CRB1: variants seen among roughly 807,000 people sequenced by gnomAD.
The protein encoded by CRB1 is crumbs cell polarity complex component 1.
Under a neutral mutation model 120.0 loss-of-function variants are expected in CRB1, and 83 were observed. The observed-to-expected ratio is 0.69, with a 90% CI of 0.58 to 0.83. CRB1 has a LOEUF of 0.83. CRB1 is among the 40% of genes least tolerant of loss of function. The pLI, the probability that CRB1 is intolerant of heterozygous loss-of-function variation, is 0.00. For synonymous variants in CRB1, 625 were observed against 612.5 expected (o/e 1.02, Z -0.30); for missense variants, 1,699 against 1,687.6 (o/e 1.01, Z -0.12).
intron 3 of CRB1, among the ~76,000 whole-genome samples, chr1:197,345,777 C>T (rs548398658): frequency 1.4e-4 from 21 of 152,016 alleles, no homozygotes; most frequent in South Asian, 4.2e-4. Flanking sequence ...TGAAGTGTTG[C>T]GATTACAGGT....
the CRB1 span, among the ~76,000 whole-genome samples, chr1:197,246,637 G>A: frequency 6.6e-6 from 1 of 151,938 alleles, no homozygotes; most frequent in Non-Finnish European, 1.5e-5. Flanking sequence ...GAAGTCGCAA[G>A]AATTATTTTA....
At chr1:197,438,743 A>T in intron 10 of CRB1, 68 bp downstream of exon 10, 1 of 1,581,780 alleles carries the variant, frequency 6.3e-7, no homozygotes, top group Non-Finnish European at 8.7e-7. Context: ...CTCAAAGTTC[A>T]TTTTCTCCTC....
At chr1:197,240,498 G>A in the CRB1 span, among the ~76,000 whole-genome samples, 1 of 152,108 alleles carries the variant, frequency 6.6e-6, no homozygotes, top group Non-Finnish European at 1.5e-5. Flanking sequence ...TTAGTTTGCT[G>A]AGAATGATGG....
At chr1:197,258,778 T>C in the CRB1 span, among the ~76,000 whole-genome samples, 1 of 152,204 alleles carries the variant, frequency 6.6e-6, no homozygotes, top group Non-Finnish European at 1.5e-5. Flanking sequence ...GATCTTTGTA[T>C]TTTTATCATC....
At chr1:197,477,502 GA>G (rs2125573391) in intron 11 of CRB1, 161 bp from the exon 12 acceptor site, 1 of 722,782 alleles carries the variant, frequency 1.4e-6, no homozygotes, top group Non-Finnish European at 2.6e-6. Context: ...AATGATTTGA[GA>G]ATAAGAAAAT....
At chr1:197,423,224 A>G (rs1290704791) in intron 6 of CRB1, among the ~76,000 whole-genome samples, 1 of 152,174 alleles carries the variant, frequency 6.6e-6, no homozygotes, top group African/African-American at 2.4e-5. Context: ...AATACTGACC[A>G]TGGTGATGTT....
rs1558131980 is a variant in CRB1 at position 197,427,707 on chromosome 1, C to G, written c.2382C>G (p.His794Gln). Reference sequence around the variant, plus strand: ...TTGTTCTTAATGATGGAAATGTCCACTTGATATCTTTGAAAATCAAGCCAT... The same window carrying G: ...TTGTTCTTAATGATGGAAATGTCCAGTTGATATCTTTGAAAATCAAGCCAT... The part of the protein sequence containing the change: ...VKFVLNDGNV[H>Q]LISLKIKPYK... Residue 794 changes from histidine to glutamine, a missense_variant, in exon 7 of 12, where the codon CAC becomes CAG. By Grantham distance (24) the His-to-Gln change is conservative. Coordinates refer to ENST00000367400, the MANE Select transcript of CRB1 (RefSeq NM_201253.3). The G allele has an allele frequency of 7.4e-6, 12 of 1,613,912 alleles. No individual in the cohort carries two copies. Among genetic ancestry groups the G allele is most frequent in the Non-Finnish European group, 1.0e-5 (12 of 1,179,932 alleles).
the CRB1 span, among the ~76,000 whole-genome samples, chr1:197,218,919 T>C: frequency 4.0e-5 from 6 of 151,780 alleles, no homozygotes; most frequent in Non-Finnish European, 8.8e-5. Context: ...AAGTTAAGAG[T>C]TAGGAAAACA....
At chr1:197,345,234 A>C (rs1399856273) in intron 3 of CRB1, among the ~76,000 whole-genome samples, 1 of 152,176 alleles carries the variant, frequency 6.6e-6, no homozygotes, top group Non-Finnish European at 1.5e-5. Flanking sequence ...TTAGCACTTA[A>C]AATTATCGTT....
chr1:197,389,877 C>T (rs1357317184), intron 5 of CRB1, among the ~76,000 whole-genome samples: 2 of 152,018 alleles, frequency 1.3e-5, no homozygotes, highest in Non-Finnish European at 2.9e-5. Flanking sequence ...AGTGCCCTGG[C>T]ATCCAGGAGC....
In CRB1 at chr1:197,421,079, G is replaced by C; in HGVS notation, c.1251G>C (p.Gly417=). The C allele has an allele frequency of 6.2e-7, 1 of 1,614,200 alleles. No individual in the cohort carries two copies. Among genetic ancestry groups the C allele is most frequent in the South Asian group, 1.1e-5 (1 of 91,084 alleles). The change falls in exon 6 of 12, where the codon GGG becomes GGC. Residue 417 remains glycine (G), a synonymous_variant. Transcript: ENST00000367400. The part of the protein sequence containing the change: ...QNGGTCENLP[G]NYTCHCPFDN... ...GTGGTACTTGTGAGAACTTGCCTGG[G>C]AATTATACTTGCCATTGCCCATTTG...
chr1:197,421,561 T>C lies in CRB1; in HGVS notation c.1733T>C (p.Val578Ala). 6.2e-7 allele frequency: 1 copy of C among 1,614,248 alleles called. No homozygotes were observed. Among genetic ancestry groups the C allele is most frequent in the Non-Finnish European group, 8.5e-7 (1 of 1,180,052 alleles). ...GTGGAGGTAATATTTGCAGAGGCTG[T>C]GACCCTTACCTTAATCGACGACTCC... ...HFVEVIFAEA[V>A]TLTLIDDSCK... The change falls in exon 6 of 12, where the codon GTG becomes GCG. Residue 578 changes from valine to alanine, a missense_variant. Physicochemically the swap from Val to Ala is moderately conservative, Grantham distance 64 (BLOSUM62 0). Coordinates refer to ENST00000367400, the MANE Select transcript of CRB1 (RefSeq NM_201253.3).
upstream of CRB1, among the ~76,000 whole-genome samples, chr1:197,264,880 C>T (rs1654598322): frequency 6.6e-6 from 1 of 152,092 alleles, no homozygotes; most frequent in Non-Finnish European, 1.5e-5. Flanking sequence ...CCGCCTCAGC[C>T]TCCCAGAGTG....
intron 5 of CRB1, among the ~76,000 whole-genome samples, chr1:197,372,586 G>A (rs79123626): frequency 0.016 from 2,456 of 152,174 alleles, 66 homozygotes; most frequent in African/African-American, 0.053. Context: ...TAGGAAAAGC[G>A]TATGAATATA....
chr1:197,291,245 T>G (rs1656160445), intron 1 of CRB1, among the ~76,000 whole-genome samples: 1 of 151,890 alleles, frequency 6.6e-6, no homozygotes, highest in African/African-American at 2.4e-5. Flanking sequence ...ATGAAAATAC[T>G]TAAATATATA....
chr1:197,201,965 C>T, the CRB1 span, among the ~76,000 whole-genome samples: 1 of 152,126 alleles, frequency 6.6e-6, no homozygotes, highest in African/African-American at 2.4e-5. Context: ...TCCACAAGGA[C>T]AACTTTTGGA....
intron 11 of CRB1, among the ~76,000 whole-genome samples, chr1:197,452,108 T>A (rs1461896371): frequency 1.3e-5 from 2 of 152,336 alleles, no homozygotes; most frequent in East Asian, 3.9e-4. Flanking sequence ...ATGTATGAGA[T>A]GAAGAATCTA....
intron 2 of CRB1, among the ~76,000 whole-genome samples, chr1:197,331,358 T>C (rs148441886): frequency 6.7e-4 from 102 of 152,338 alleles, no homozygotes; most frequent in Non-Finnish European, 1.3e-3. Flanking sequence ...GTATACTCTA[T>C]GATGCTAAAA....
intron 8 of CRB1, among the ~76,000 whole-genome samples, chr1:197,430,406 T>A (rs1371575178): frequency 6.6e-6 from 1 of 152,186 alleles, no homozygotes; most frequent in African/African-American, 2.4e-5. Flanking sequence ...TTTCCATCAT[T>A]ACAAAAAATT....
Sources: gnomAD v4.1 joint callset for allele counts (sites outside exome capture counted in the v4.1 genomes callset) on GRCh38, gnomAD v4.1.1 for gene constraint, MANE v1.5 for transcripts, NCBI Gene and HGNC (gene_info 2026-07-23, HGNC 2026-07-21) for gene names.